Variants in BICRA observed in about 807,000 individuals in gnomAD.
The protein encoded by BICRA is BRD4-interacting chromatin-remodeling complex-associated protein.
A neutral mutation model predicts 96.9 loss-of-function variants in BICRA; 31 were observed. The ratio of observed to expected loss-of-function variants is 0.32; its 90% CI spans 0.24 to 0.43. The LOEUF (loss-of-function observed/expected upper bound fraction) is 0.43. Ranked by LOEUF, BICRA falls within the 20% of genes least tolerant of loss-of-function variation. The pLI, the probability that BICRA is intolerant of heterozygous loss-of-function variation, is 1.00. For missense variants in BICRA, 2,283 were observed against 2,190.3 expected (o/e 1.04, Z -0.84); for synonymous variants, 1,350 against 1,071.8 (o/e 1.26, Z -5.07).
chr19:47,698,840 G>A lies in BICRA; in HGVS notation c.3397+58G>A, dbSNP rs1003532906. 1.4e-6 allele frequency: 2 copies of A among 1,449,686 alleles called. No homozygotes were observed. The highest frequency in any genetic ancestry group is 1.4e-5 in the African/African-American group (1 of 71,160). 89.8% of individuals were successfully genotyped at this position (1,449,686 alleles called of 1,614,324 possible). On this transcript the variant is annotated intron_variant, in intron 12 of 14. Coordinates refer to ENST00000594866, the MANE Select transcript of BICRA (RefSeq NM_001394372.1). This position sits in a 1 kb window ranked among gnomAD's most constrained non-coding sequence, Gnocchi z 4.8. ...CCCAGGGGACCCCAGCCCGTGGGGC[G>A]GGGCGTCGCCAGTGTGGAGCCGCAG...
intron 5 of BICRA, among the ~76,000 whole-genome samples, chr19:47,677,589 G>A (rs1432613853): frequency 6.6e-6 from 1 of 152,180 alleles, no homozygotes; most frequent in Non-Finnish European, 1.5e-5. Context: ...CCGGCTGCTT[G>A]GGAGGCTAAG....
At chr19:47,648,501 G>C (rs930756388) in intron 1 of BICRA, among the ~76,000 whole-genome samples, 1 of 151,564 alleles carries the variant, frequency 6.6e-6, no homozygotes. Context: ...GATAGCGATC[G>C]GCACCTGCAG....
chr19:47,674,581 C>G (rs61105554), intron 4 of BICRA, among the ~76,000 whole-genome samples: 49,797 of 152,014 alleles, frequency 0.33, 10,423 homozygotes, highest in African/African-American at 0.59. Context: ...CAGCTTAGCT[C>G]GGTGGTTCAG....
intron 14 of BICRA, chr19:47,700,023 T>C (rs1208452756): frequency 1.3e-5 from 2 of 153,400 alleles, no homozygotes; most frequent in East Asian, 3.9e-4. Flanking sequence ...CTTAAATGAG[T>C]GCAAAGGGGT....
At chr19:47,654,509 T>G (rs1972585812) in intron 1 of BICRA, among the ~76,000 whole-genome samples, 1 of 151,292 alleles carries the variant, frequency 6.6e-6, no homozygotes, top group Non-Finnish European at 1.5e-5. Context: ...TGAGACGGAG[T>G]CTCGTTCTGT....
At position 47,679,893 on chromosome 19, in the gene BICRA, C is replaced by T. The variant is rs1481990740; in HGVS notation, c.723C>T (p.Pro241=). The T allele has an allele frequency of 2.0e-6, 3 of 1,520,794 alleles. No homozygotes were observed. The highest frequency in any genetic ancestry group is 2.5e-5 in the East Asian group (1 of 39,390). The allele number at this position is 1,520,794 out of a possible 1,614,324, so 94.2% of individuals were successfully genotyped here. Residue 241 remains proline (P), a synonymous_variant, in exon 6 of 15, where the codon CCC becomes CCT. Transcript: ENST00000594866. ...GLAPIQVVGQ[P]VMALNTPTSQ... ...CGCCCATCCAGGTGGTGGGCCAGCCCGTCATGGCGCTCAACACGCCCACCT... is the reference window on the plus strand; with the variant it reads ...CGCCCATCCAGGTGGTGGGCCAGCCTGTCATGGCGCTCAACACGCCCACCT...
At chr19:47,639,885 C>T (rs960297476) in intron 1 of BICRA, among the ~76,000 whole-genome samples, 1 of 149,946 alleles carries the variant, frequency 6.7e-6, no homozygotes, top group African/African-American at 2.5e-5. Flanking sequence ...CTCAGGCAAC[C>T]CTCCCACCTG....
chr19:47,689,306 G>A (rs1478004170), intron 7 of BICRA, among the ~76,000 whole-genome samples: 1 of 151,836 alleles, frequency 6.6e-6, no homozygotes, highest in Non-Finnish European at 1.5e-5. Context: ...GTCTTGCTCT[G>A]TTGCCCAGGC....
At chr19:47,659,419 C>T (rs962566870) in intron 1 of BICRA, among the ~76,000 whole-genome samples, 1 of 152,178 alleles carries the variant, frequency 6.6e-6, no homozygotes, top group East Asian at 1.9e-4. Flanking sequence ...ACACATCATG[C>T]AAGCGGCTAC....
intron 1 of BICRA, among the ~76,000 whole-genome samples, chr19:47,656,273 G>A (rs1166321986): frequency 6.6e-6 from 1 of 152,006 alleles, no homozygotes; most frequent in Non-Finnish European, 1.5e-5. Context: ...ACAACGAGAA[G>A]GCTGTGACGT....
chr19:47,629,880 A>G (rs1972195741), intron 1 of BICRA, among the ~76,000 whole-genome samples: 1 of 151,934 alleles, frequency 6.6e-6, no homozygotes, highest in African/African-American at 2.4e-5. Flanking sequence ...GTGGTCTCTA[A>G]CTCCTGACCT....
chr19:47,669,878 G>A (rs1004328962), intron 1 of BICRA, among the ~76,000 whole-genome samples: 1 of 151,790 alleles, frequency 6.6e-6, no homozygotes, highest in Non-Finnish European at 1.5e-5. Flanking sequence ...GGATGGTCTC[G>A]ATCTCCTGAC....
chr19:47,609,961 C>T (rs1370859266), intron 1 of BICRA, among the ~76,000 whole-genome samples: 1 of 38,450 alleles, frequency 2.6e-5, no homozygotes, highest in African/African-American at 1.2e-4. Flanking sequence ...GGGGCCGTTA[C>T]GGGGGTGGGG....
In BICRA at chr19:47,673,775, G is replaced by T. The variant is rs370023070; in HGVS notation, c.84+13G>T. ...TGGATCCGAGAAGGTAAGCATGGGC[G>T]CAGGGAGAGGCATTCCCTGAGTGGG... On this transcript the variant is annotated intron_variant, in intron 4 of 14. Coordinates refer to ENST00000594866, the MANE Select transcript of BICRA (RefSeq NM_001394372.1). 87 of 1,606,734 alleles carry T rather than the reference G, an allele frequency of 5.4e-5. No individual in the cohort carries two copies. Among genetic ancestry groups the T allele is most frequent in the Non-Finnish European group, 6.9e-5 (81 of 1,173,578 alleles).
At chr19:47,646,445 G>A (rs112858070) in intron 1 of BICRA, among the ~76,000 whole-genome samples, 9 of 145,976 alleles carry the variant, frequency 6.2e-5, no homozygotes, top group Non-Finnish European at 1.1e-4. Context: ...ACAGACACAC[G>A]TGTGCGCGCA....
chr19:47,699,152 C>T lies in BICRA; in HGVS notation c.3492+93C>T, dbSNP rs1327539496. The stretch of plus-strand genomic sequence containing the variant: ...CCGCTCTGGGCAAGGTGGAGCCTCC[C>T]GCCCCTCCTAGCCCCGGGAGGGAGG... On this transcript the variant is annotated intron_variant, in intron 13 of 14. Transcript: ENST00000594866. This position sits in a 1 kb window ranked among gnomAD's most constrained non-coding sequence, Gnocchi z 5.0. 10 of 1,011,454 alleles carry T rather than the reference C, an allele frequency of 9.9e-6. No homozygotes were observed. Among genetic ancestry groups the T allele is most frequent in the Admixed American group, 8.0e-5 (4 of 50,118 alleles). The allele number at this position is 1,011,454 out of a possible 1,614,324, so 62.7% of individuals were successfully genotyped here. A position where few individuals can be genotyped will look rare whatever the true frequency, so the allele number is the denominator to read the frequency against.
intron 1 of BICRA, among the ~76,000 whole-genome samples, chr19:47,641,617 T>G (rs1972387012): frequency 6.6e-6 from 1 of 152,104 alleles, no homozygotes; most frequent in Non-Finnish European, 1.5e-5. Flanking sequence ...CCAGCCTGGG[T>G]GACAGACCGA....
chr19:47,664,447 A>G (rs1458384955), intron 1 of BICRA, among the ~76,000 whole-genome samples: 1 of 152,142 alleles, frequency 6.6e-6, no homozygotes, highest in African/African-American at 2.4e-5. Context: ...GTGGTGGTGA[A>G]GAGTGAGGTC....
At chr19:47,631,376 C>A (rs1026543423) in intron 1 of BICRA, among the ~76,000 whole-genome samples, 4 of 152,108 alleles carry the variant, frequency 2.6e-5, no homozygotes, top group Admixed American at 2.6e-4. Flanking sequence ...TACAGGCGCA[C>A]GCCACCACAC....
Sources: gnomAD v4.1 joint callset for allele counts (sites outside exome capture counted in the v4.1 genomes callset) on GRCh38, gnomAD v4.1.1 for gene constraint, Gnocchi (gnomAD v3.1) non-coding constraint, MANE v1.5 for transcripts, NCBI Gene and HGNC (gene_info 2026-07-23, HGNC 2026-07-21) for gene names.